Variants in RGS6 observed in about 807,000 individuals in gnomAD.
RGS6 encodes the protein regulator of G-protein signaling 6.
In RGS6, 30 loss-of-function variants were observed where a neutral mutation model predicts 78.5. The ratio of observed to expected loss-of-function variants is 0.38; its 90% confidence interval spans 0.29 to 0.52. The LOEUF is 0.52. RGS6 is among the 20% of genes least tolerant of loss of function. The pLI, the probability that RGS6 is intolerant of heterozygous loss-of-function variation, is 0.85. For synonymous variants in RGS6, 206 were observed against 206.0 expected (o/e 1.00, Z 0.00); for missense variants, 495 against 609.7 (o/e 0.81, Z 1.98).
chr14:72,205,826 C>T (rs1295229757), intron 2 of RGS6, among the ~76,000 whole-genome samples: 1 of 152,046 alleles, frequency 6.6e-6, no homozygotes, highest in East Asian at 1.9e-4. Context: ...GTTTATTTGC[C>T]CACTGACCAA....
intron 2 of RGS6, among the ~76,000 whole-genome samples, chr14:71,984,872 A>G (rs1458414142): frequency 6.6e-6 from 1 of 152,176 alleles, no homozygotes; most frequent in Non-Finnish European, 1.5e-5. Flanking sequence ...TTCCATTTAA[A>G]AAGTAATAAT....
chr14:72,549,377 C>T lies in RGS6; in HGVS notation c.1422+9283C>T, dbSNP rs141282973. ...ACTGGCACAGGGCATTGGCAACCAT[C>T]GTGCAGTGAGCCCCAGCACAGCCAG... On this transcript the variant is annotated intron_variant, in intron 17 of 17. Coordinates refer to ENST00000553525, the MANE Select transcript of RGS6 (RefSeq NM_001204424.2). Among the ~76,000 whole-genome samples, 417 of 152,296 alleles carry T rather than the reference C, an allele frequency of 2.7e-3. 7 individuals carry two copies. The highest frequency in any genetic ancestry group is 2.3e-3 in the Non-Finnish European group (156 of 68,022).
chr14:72,597,832 C>G, the RGS6 span, among the ~76,000 whole-genome samples: 1 of 152,064 alleles, frequency 6.6e-6, no homozygotes, highest in Non-Finnish European at 1.5e-5. Context: ...AAAAATCAGC[C>G]CCCAGAGAGA....
chr14:72,394,599 T>C (rs1354776277), intron 3 of RGS6, among the ~76,000 whole-genome samples: 1 of 152,238 alleles, frequency 6.6e-6, no homozygotes, highest in African/African-American at 2.4e-5. Flanking sequence ...AAGAGAAAGA[T>C]GGCTCTGTTC....
At chr14:71,895,908 C>T in the RGS6 span, among the ~76,000 whole-genome samples, 6 of 152,242 alleles carry the variant, frequency 3.9e-5, no homozygotes, top group East Asian at 7.8e-4. Context: ...CGAGGAGATG[C>T]ATACCCAACC....
intron 2 of RGS6, among the ~76,000 whole-genome samples, chr14:72,089,625 A>G (rs2095190456): frequency 6.6e-6 from 1 of 152,224 alleles, no homozygotes; most frequent in African/African-American, 2.4e-5. Flanking sequence ...CTTCTGATGG[A>G]AATGGTTTAT....
intron 2 of RGS6, among the ~76,000 whole-genome samples, chr14:71,969,842 A>G (rs991686081): frequency 6.6e-6 from 1 of 152,338 alleles, no homozygotes; most frequent in South Asian, 2.1e-4. Context: ...TCAAAGTTCC[A>G]TTCTATAACT....
intron 15 of RGS6, among the ~76,000 whole-genome samples, chr14:72,519,692 G>A (rs1220983463): frequency 6.6e-6 from 1 of 152,200 alleles, no homozygotes; most frequent in Non-Finnish European, 1.5e-5. Flanking sequence ...CTTCAAAGCA[G>A]AATGTTTGAG....
intron 2 of RGS6, chr14:71,990,553 A>C (rs1566972030): frequency 8.8e-6 from 4 of 455,054 alleles, no homozygotes; most frequent in Non-Finnish European, 8.8e-6. Flanking sequence ...TAAGTAGTGG[A>C]GAGGATCATT....
chr14:71,990,485 G>T (rs1457470391), intron 2 of RGS6: 1 of 401,562 alleles, frequency 2.5e-6, no homozygotes, highest in Non-Finnish European at 5.0e-6. Context: ...TTATTAACCA[G>T]GACAGCTGCT....
chr14:71,901,758 T>C, the RGS6 span, among the ~76,000 whole-genome samples: 1 of 152,210 alleles, frequency 6.6e-6, no homozygotes, highest in East Asian at 1.9e-4. Context: ...TCTTATATGA[T>C]AGCCATGTCT....
chr14:72,077,974 AT>A (rs1372529888), intron 2 of RGS6, among the ~76,000 whole-genome samples: 4 of 151,986 alleles, frequency 2.6e-5, no homozygotes, highest in African/African-American at 9.7e-5. Flanking sequence ...CTCTACCAGT[AT>A]TTTTCTCCCA....
At chr14:71,972,470 A>T (rs912367921) in intron 2 of RGS6, among the ~76,000 whole-genome samples, 2 of 152,154 alleles carry the variant, frequency 1.3e-5, no homozygotes, top group African/African-American at 2.4e-5. Context: ...GAATGCAAGT[A>T]TTATCCCACA....
chr14:72,517,890 A>G (rs1224277403), intron 14 of RGS6, among the ~76,000 whole-genome samples: 1 of 152,200 alleles, frequency 6.6e-6, no homozygotes, highest in East Asian at 1.9e-4. Context: ...CTCAACCAGG[A>G]ATGAGTTCAT....
the RGS6 span, among the ~76,000 whole-genome samples, chr14:71,877,250 G>C: frequency 2.0e-4 from 30 of 152,310 alleles, no homozygotes; most frequent in Admixed American, 1.4e-3. Context: ...AGTTCTCCTG[G>C]ATAATATCCT....
At chr14:72,209,081 T>G (rs1311750411) in intron 2 of RGS6, among the ~76,000 whole-genome samples, 1 of 151,902 alleles carries the variant, frequency 6.6e-6, no homozygotes, top group Non-Finnish European at 1.5e-5. Flanking sequence ...GAAAACCCAT[T>G]TCTACAAAAA....
At chr14:72,004,475 G>T (rs2084122045) in intron 2 of RGS6, among the ~76,000 whole-genome samples, 1 of 152,120 alleles carries the variant, frequency 6.6e-6, no homozygotes, top group Non-Finnish European at 1.5e-5. Flanking sequence ...ACTATATTTT[G>T]CTTATTATAT....
At chr14:72,059,631 A>G (rs1381927777) in intron 2 of RGS6, among the ~76,000 whole-genome samples, 1 of 152,132 alleles carries the variant, frequency 6.6e-6, no homozygotes, top group Admixed American at 6.5e-5. Context: ...TGTGAGCCCT[A>G]GGTTCCTATG....
At chr14:72,495,378 C>T (rs2096631090) in intron 13 of RGS6, 116 bp downstream of exon 13, 1 of 721,964 alleles carries the variant, frequency 1.4e-6, no homozygotes, top group East Asian at 2.7e-5. Flanking sequence ...GAACAGAAAC[C>T]CCTCAAGTAG....
Sources: gnomAD v4.1 joint callset for allele counts (sites outside exome capture counted in the v4.1 genomes callset) on GRCh38, gnomAD v4.1.1 for gene constraint, MANE v1.5 for transcripts, NCBI Gene and HGNC (gene_info 2026-07-23, HGNC 2026-07-21) for gene names.